Variants in PHF24 observed in about 807,000 individuals in gnomAD.
PHF24 encodes the protein PHD finger protein 24.
Under a neutral mutation model 42.6 loss-of-function variants are expected in PHF24, and 25 were observed. The observed-to-expected ratio is 0.59, with a 90% CI of 0.43 to 0.82. PHF24 has a LOEUF of 0.82. Among genes scored for constraint, PHF24 ranks in the 40% least tolerant of loss-of-function variants. The pLI is 0.00. For missense variants in PHF24, 470 were observed against 538.1 expected (o/e 0.87, Z 1.25); for synonymous variants, 185 against 204.8 (o/e 0.90, Z 0.83).
the PHF24 span, among the ~76,000 whole-genome samples, chr9:34,667,006 T>C: frequency 6.6e-6 from 1 of 151,718 alleles, no homozygotes; most frequent in Non-Finnish European, 1.5e-5. Flanking sequence ...CTCTGAGAGG[T>C]AGGGGTAGAG....
the PHF24 span, among the ~76,000 whole-genome samples, chr9:34,830,042 C>T: frequency 6.6e-6 from 1 of 152,128 alleles, no homozygotes; most frequent in African/African-American, 2.4e-5. Flanking sequence ...AGTACATTAA[C>T]AGTAATTGAG....
chr9:34,788,587 A>T, the PHF24 span, among the ~76,000 whole-genome samples: 1 of 152,346 alleles, frequency 6.6e-6, no homozygotes, highest in South Asian at 2.1e-4. Context: ...ACACATGGCC[A>T]TTGTATTTAC....
At chr9:34,765,534 T>C in the PHF24 span, among the ~76,000 whole-genome samples, 1 of 150,272 alleles carries the variant, frequency 6.7e-6, no homozygotes, top group Non-Finnish European at 1.5e-5. Flanking sequence ...CCTGCCTTTT[T>C]TTGTTTTCCA....
chr9:34,981,369 T>C (rs1056508421), exon 8 of PHF24: 1 of 151,900 alleles, frequency 6.6e-6, no homozygotes, highest in African/African-American at 2.4e-5. Flanking sequence ...CTTGGGGGAG[T>C]GAGCCCCAAG....
chr9:34,737,125 T>A, the PHF24 span, among the ~76,000 whole-genome samples: 4 of 152,184 alleles, frequency 2.6e-5, no homozygotes, highest in African/African-American at 9.7e-5. Context: ...CATGGTGCAA[T>A]CATCACCACT....
At chr9:34,735,632 C>G in the PHF24 span, among the ~76,000 whole-genome samples, 2 of 151,414 alleles carry the variant, frequency 1.3e-5, no homozygotes, top group Non-Finnish European at 2.9e-5. Context: ...AACCCTGTCT[C>G]TACCAAAAAT....
At chr9:34,933,352 A>G in the PHF24 span, among the ~76,000 whole-genome samples, 1 of 152,302 alleles carries the variant, frequency 6.6e-6, no homozygotes, top group African/African-American at 2.4e-5. Flanking sequence ...TTAAGTAAAC[A>G]AGCTGGGCAC....
the PHF24 span, among the ~76,000 whole-genome samples, chr9:34,931,491 G>T: frequency 6.6e-6 from 1 of 151,854 alleles, no homozygotes. Flanking sequence ...CTCAGGTGAT[G>T]GGTGCACCAA....
chr9:34,795,291 G>T, the PHF24 span, among the ~76,000 whole-genome samples: 1 of 151,750 alleles, frequency 6.6e-6, no homozygotes, highest in African/African-American at 2.4e-5. Flanking sequence ...AGAAGAAAAT[G>T]AAACGACACC....
chr9:34,811,425 A>C, the PHF24 span, among the ~76,000 whole-genome samples: 1 of 152,168 alleles, frequency 6.6e-6, no homozygotes, highest in Non-Finnish European at 1.5e-5. Context: ...AAGTCATGGC[A>C]GGGGGTTTGT....
At chr9:34,914,303 T>C in the PHF24 span, among the ~76,000 whole-genome samples, 1 of 152,200 alleles carries the variant, frequency 6.6e-6, no homozygotes, top group African/African-American at 2.4e-5. Flanking sequence ...AGATATAGCA[T>C]TTATTAAAAG....
chr9:34,927,753 C>T, the PHF24 span, among the ~76,000 whole-genome samples: 2 of 152,120 alleles, frequency 1.3e-5, no homozygotes, highest in African/African-American at 4.8e-5. Context: ...TCCACTCCCC[C>T]ACCACACTCC....
the PHF24 span, among the ~76,000 whole-genome samples, chr9:34,768,894 G>A: frequency 1.4e-5 from 2 of 144,604 alleles, no homozygotes; most frequent in African/African-American, 5.4e-5. Flanking sequence ...CTAGTAGGTG[G>A]GGGGAGAGAG....
At chr9:34,895,811 C>T in the PHF24 span, 3 of 398,082 alleles carry the variant, frequency 7.5e-6, no homozygotes, top group Non-Finnish European at 1.3e-5. Flanking sequence ...TCATTTCTGC[C>T]TCACAGAAGA....
chr9:34,829,240 T>C, the PHF24 span, among the ~76,000 whole-genome samples: 2 of 152,280 alleles, frequency 1.3e-5, no homozygotes, highest in Admixed American at 6.5e-5. Context: ...CTTTAACTGA[T>C]GTGAGAAATA....
chr9:34,889,754 C>A, the PHF24 span: 1 of 397,338 alleles, frequency 2.5e-6, no homozygotes, highest in Non-Finnish European at 4.4e-6. Flanking sequence ...TAAAACATGG[C>A]CCTGAACTAT....
At chr9:34,677,522 G>A in the PHF24 span, among the ~76,000 whole-genome samples, 13 of 147,612 alleles carry the variant, frequency 8.8e-5, no homozygotes, top group South Asian at 1.7e-3. Context: ...TTAACCTCCC[G>A]AGTAGATGGG....
At chr9:34,929,527 G>C in the PHF24 span, among the ~76,000 whole-genome samples, 1 of 152,158 alleles carries the variant, frequency 6.6e-6, no homozygotes. Context: ...AAAAAATGAA[G>C]GGATGAGATG....
At chr9:34,766,340 A>G in the PHF24 span, among the ~76,000 whole-genome samples, 5 of 152,230 alleles carry the variant, frequency 3.3e-5, no homozygotes, top group East Asian at 1.9e-4. Flanking sequence ...AGGTACACCA[A>G]TCAGACATAG....
Sources: gnomAD v4.1 joint callset for allele counts (sites outside exome capture counted in the v4.1 genomes callset) on GRCh38, gnomAD v4.1.1 for gene constraint, MANE v1.5 for transcripts, NCBI Gene and HGNC (gene_info 2026-07-23, HGNC 2026-07-21) for gene names.